The following POU2AF2 variants were observed in gnomAD, a reference collection of about 807,000 sequenced individuals.
POU2AF2 encodes POU domain class 2-associating factor 2.
chr11:111,274,152 C>T, the POU2AF2 span, among the ~76,000 whole-genome samples: 2 of 152,060 alleles, frequency 1.3e-5, no homozygotes, highest in African/African-American at 2.4e-5. Flanking sequence ...TCTCCTGACC[C>T]GTGAAATCTG....
chr11:111,248,473 C>A, the POU2AF2 span, among the ~76,000 whole-genome samples: 1 of 152,176 alleles, frequency 6.6e-6, no homozygotes, highest in Non-Finnish European at 1.5e-5. Context: ...ATCCATCCAC[C>A]AATGACCCGT....
At chr11:111,279,914 G>A in the POU2AF2 span, among the ~76,000 whole-genome samples, 1 of 151,322 alleles carries the variant, frequency 6.6e-6, no homozygotes, top group Non-Finnish European at 1.5e-5. Context: ...GGTGGTGCGT[G>A]CCTGTAATCC....
the POU2AF2 span, among the ~76,000 whole-genome samples, chr11:111,257,405 G>T: frequency 1.3e-5 from 2 of 150,908 alleles, no homozygotes; most frequent in East Asian, 3.9e-4. Flanking sequence ...TGTTGCCCAG[G>T]CTGGTGTGCA....
chr11:111,249,580 T>G, the POU2AF2 span, among the ~76,000 whole-genome samples: 1 of 152,160 alleles, frequency 6.6e-6, no homozygotes, highest in Non-Finnish European at 1.5e-5. Context: ...CCTCACATCT[T>G]AGGAAACTGC....
At chr11:111,274,677 A>C in the POU2AF2 span, among the ~76,000 whole-genome samples, 1 of 149,484 alleles carries the variant, frequency 6.7e-6, no homozygotes, top group African/African-American at 2.4e-5. Context: ...ATAATATATA[A>C]ATTTATATAA....
At chr11:111,261,286 CACACACAT>C in the POU2AF2 span, among the ~76,000 whole-genome samples, 35,140 of 150,134 alleles carry the variant, frequency 0.23, 4,383 homozygotes, top group South Asian at 0.41. Context: ...CACACACACA[CACACACAT>C]AATTAAGTTC....
the POU2AF2 span, among the ~76,000 whole-genome samples, chr11:111,280,057 A>AAAAAAAATATATATATAT: frequency 1.3e-5 from 1 of 76,498 alleles, no homozygotes; most frequent in African/African-American, 5.0e-5. Flanking sequence ...AAAAAAAAAA[A>AAAAAAAATATATATATAT]ATATATATAT....
the POU2AF2 span, among the ~76,000 whole-genome samples, chr11:111,282,430 A>G: frequency 1.3e-5 from 2 of 152,256 alleles, no homozygotes; most frequent in South Asian, 4.1e-4. Context: ...TAGAAGTTAT[A>G]GAATGTAAGA....
the POU2AF2 span, among the ~76,000 whole-genome samples, chr11:111,264,576 G>GAAA: frequency 0.059 from 1,463 of 24,620 alleles, 318 homozygotes; most frequent in South Asian, 0.16. Context: ...AAGAAAGAAA[G>GAAA]GGAGAGAGAA....
At chr11:111,276,439 G>GAA in the POU2AF2 span, among the ~76,000 whole-genome samples, 487 of 44,242 alleles carry the variant, frequency 0.011, 12 homozygotes, top group South Asian at 0.021. Context: ...CTACTAAAAA[G>GAA]AAAAAAAAAA....
the POU2AF2 span, chr11:111,255,922 C>T: frequency 2.5e-6 from 1 of 398,792 alleles, no homozygotes; most frequent in South Asian, 1.3e-4. Context: ...TAAACATGTC[C>T]TTTGGGAGCT....
At chr11:111,273,215 T>C in the POU2AF2 span, among the ~76,000 whole-genome samples, 2 of 152,098 alleles carry the variant, frequency 1.3e-5, no homozygotes, top group African/African-American at 4.8e-5. Context: ...GGCATGTAAA[T>C]CTCTATATCC....
chr11:111,272,634 T>C, the POU2AF2 span, among the ~76,000 whole-genome samples: 1 of 152,198 alleles, frequency 6.6e-6, no homozygotes, highest in Non-Finnish European at 1.5e-5. Context: ...CTTATTTCTA[T>C]TATTGCACCA....
At chr11:111,282,587 C>T in the POU2AF2 span, among the ~76,000 whole-genome samples, 1 of 152,112 alleles carries the variant, frequency 6.6e-6, no homozygotes, top group Non-Finnish European at 1.5e-5. Context: ...AGATCTGCCC[C>T]CTTGGGCTCG....
At chr11:111,283,328 TG>T in the POU2AF2 span, among the ~76,000 whole-genome samples, 1 of 151,268 alleles carries the variant, frequency 6.6e-6, no homozygotes, top group Non-Finnish European at 1.5e-5. Flanking sequence ...GGATTACAGG[TG>T]TGAGCCACCG....
the POU2AF2 span, chr11:111,281,353 A>C: frequency 1.3e-6 from 2 of 1,512,076 alleles, no homozygotes; most frequent in African/African-American, 2.8e-5. Flanking sequence ...TATTAAATTC[A>C]AACTTACAAC....
At chr11:111,277,467 A>G in the POU2AF2 span, among the ~76,000 whole-genome samples, 23 of 152,286 alleles carry the variant, frequency 1.5e-4, no homozygotes, top group African/African-American at 5.1e-4. Context: ...AGACAGAAAA[A>G]CTTTTAGAGC....
At chr11:111,275,141 G>T in the POU2AF2 span, among the ~76,000 whole-genome samples, 1 of 152,172 alleles carries the variant, frequency 6.6e-6, no homozygotes, top group African/African-American at 2.4e-5. Context: ...TAAAAGCTTT[G>T]TGCTGTGTTA....
the POU2AF2 span, among the ~76,000 whole-genome samples, chr11:111,280,057 A>AAAAAAATAT: frequency 6.5e-5 from 5 of 76,476 alleles, no homozygotes; most frequent in African/African-American, 2.5e-4. Context: ...AAAAAAAAAA[A>AAAAAAATAT]ATATATATAT....
Sources: allele counts gnomAD v4.1 joint callset (sites outside exome capture counted in the v4.1 genomes callset), GRCh38; gene constraint gnomAD v4.1.1; transcripts MANE v1.5; gene names NCBI Gene and HGNC (gene_info 2026-07-23, HGNC 2026-07-21).